The following BNC2 variants were observed in gnomAD, a reference collection of about 807,000 sequenced individuals.
BNC2 encodes the protein zinc finger protein basonuclin-2.
A neutral mutation model predicts 76.3 loss-of-function variants in BNC2; 20 were observed. That is an observed-to-expected ratio of 0.26 (90% CI 0.18 to 0.38). BNC2 has a LOEUF of 0.38. Ranked by LOEUF, BNC2 falls within the 10% of genes least tolerant of loss-of-function variation. The probability of loss-of-function intolerance (pLI) is 1.00; values close to 1 mark genes in which losing one functional copy is unlikely to be tolerated. For synonymous variants in BNC2, 582 were observed against 514.8 expected (o/e 1.13, Z -1.77); for missense variants, 1,382 against 1,399.8 (o/e 0.99, Z 0.20).
At chr9:16,670,069 T>C (rs1168360611) in intron 3 of BNC2, among the ~76,000 whole-genome samples, 1 of 152,234 alleles carries the variant, frequency 6.6e-6, no homozygotes, top group Non-Finnish European at 1.5e-5. Flanking sequence ...ACTGAAAGCA[T>C]GCATAATGTT....
chr9:16,814,086 A>G (rs559083394), intron 1 of BNC2, among the ~76,000 whole-genome samples: 1 of 152,332 alleles, frequency 6.6e-6, no homozygotes, highest in South Asian at 2.1e-4. Context: ...GCTGTGGACA[A>G]TGTTTTCTGG....
chr9:16,772,022 G>C lies in BNC2; in HGVS notation c.4-33537C>G, dbSNP rs191823568. On this transcript the variant is annotated intron_variant, in intron 1 of 6. Coordinates refer to ENST00000380672, the MANE Select transcript of BNC2 (RefSeq NM_017637.6). Reference sequence around the variant, plus strand: ...GATGTAAGTGAATAATAACTAATATGTCTGCAGCCTCAGCCTTAATCTTAA... The same window carrying C: ...GATGTAAGTGAATAATAACTAATATCTCTGCAGCCTCAGCCTTAATCTTAA... 5.3e-5 allele frequency among the ~76,000 whole-genome samples: 8 copies of C among 152,284 alleles called. No homozygotes were observed. The East Asian group carries it at 1.5e-3, about 29-fold the overall frequency.
intron 5 of BNC2, among the ~76,000 whole-genome samples, chr9:16,498,155 C>T (rs1326219186): frequency 3.9e-5 from 5 of 129,004 alleles, no homozygotes; most frequent in Non-Finnish European, 8.0e-5. Context: ...ATATATATTC[C>T]ATCATATATA....
At position 16,788,552 on chromosome 9, in the gene BNC2, C is replaced by CAAA. The variant is rs397960619; in HGVS notation, c.4-50070_4-50068dup. 9.9e-5 allele frequency among the ~76,000 whole-genome samples: 8 copies of CAAA among 80,446 alleles called. No individual in the cohort carries two copies. In the South Asian group the frequency reaches 1.6e-3, roughly 16 times the overall value. The allele number at this position is 80,446 out of a possible 152,430, so 52.8% of individuals were successfully genotyped here. ...TGGGCGACAGAGCAACACTCCTTCT[C>CAAA]AAAAAAAAAAAAAAAAAAGAGGTCA... On this transcript the variant is annotated intron_variant, in intron 1 of 6. Transcript: ENST00000380672.
At chr9:16,726,472 C>T (rs1326808316) in intron 3 of BNC2, among the ~76,000 whole-genome samples, 2 of 144,080 alleles carry the variant, frequency 1.4e-5, no homozygotes, top group African/African-American at 2.6e-5. Context: ...TATAGCCTGG[C>T]AAATTGTTTT....
chr9:16,813,924 C>G (rs1404585862), intron 1 of BNC2, among the ~76,000 whole-genome samples: 1 of 152,120 alleles, frequency 6.6e-6, no homozygotes, highest in Non-Finnish European at 1.5e-5. Flanking sequence ...CTTCCAAGAT[C>G]TTGTCACAAT....
Position 16,810,159 on chromosome 9 carries a change from T to C in BNC2, c.3+60487A>G, listed in dbSNP as rs183131426. Among the ~76,000 whole-genome samples, 136 of 152,320 alleles carry C rather than the reference T, an allele frequency of 8.9e-4. 2 individuals are homozygous for C. The highest frequency in any genetic ancestry group is 2.9e-4 in the Non-Finnish European group (20 of 68,024). On this transcript the variant is annotated intron_variant, in intron 1 of 6. Coordinates refer to ENST00000380672, the MANE Select transcript of BNC2 (RefSeq NM_017637.6). ...ATGGTTAAAAACTTGCTTTGCTTTA[T>C]AAAAAGAATATCATTATAATATGAA... is the stretch of plus-strand genomic sequence containing the variant.
In BNC2 at chr9:16,616,981, A is replaced by T. The variant is rs573547276; in HGVS notation, c.331-33896T>A. Among the ~76,000 whole-genome samples, 16 of 152,340 alleles carry T rather than the reference A, an allele frequency of 1.1e-4. No homozygotes were observed. The East Asian group carries it at 2.1e-3, about 20-fold the overall frequency. On this transcript the variant is annotated intron_variant, in intron 3 of 6. Coordinates refer to ENST00000380672, the MANE Select transcript of BNC2 (RefSeq NM_017637.6). ...CATCTTTGAGGAATCTTTAAAAAAA[A>T]TAGTTGCCACAGATAATATGAAACC... is the stretch of plus-strand genomic sequence containing the variant.
intron 3 of BNC2, among the ~76,000 whole-genome samples, chr9:16,702,863 C>T (rs1823555711): frequency 6.6e-6 from 1 of 152,198 alleles, no homozygotes; most frequent in Non-Finnish European, 1.5e-5. Context: ...GATAAAGTCA[C>T]TTATCCAAAG....
At chr9:16,464,613 A>C (rs979891011) in intron 5 of BNC2, among the ~76,000 whole-genome samples, 1 of 152,136 alleles carries the variant, frequency 6.6e-6, no homozygotes, top group Non-Finnish European at 1.5e-5. Context: ...CTTTCTTCTC[A>C]GAATATTTTG....
In BNC2 at chr9:16,552,520, C is replaced by T. The variant is rs372862527; in HGVS notation, c.669+10G>A. ...CCCGGACACGGGCGGCGTTCAAGTC[C>T]TCTCCCTACCTGAAGGATGTATCCT... On this transcript the variant is annotated intron_variant, in intron 5 of 6. Transcript: ENST00000380672. 79 of 1,613,452 alleles carry T rather than the reference C, an allele frequency of 4.9e-5. No individual in the cohort carries two copies. In the Middle Eastern group the frequency reaches 8.2e-4, roughly 17 times the overall value.
chr9:16,435,758 C>G lies in BNC2; in HGVS notation c.2436G>C (p.Leu812=). ...AALHESFTSS[L]NYGSPQKFSP... is the part of the protein sequence containing the mutation. ...AGAACTTTTGAGGGCTGCCATAATT[C>G]AGAGACGATGTAAAGCTCTCATGCA... The change falls in exon 6 of 7, where the codon CTG becomes CTC. Residue 812 remains leucine, a synonymous_variant. Coordinates refer to ENST00000380672, the MANE Select transcript of BNC2 (RefSeq NM_017637.6). 5.6e-6 allele frequency: 9 copies of G among 1,614,124 alleles called. No homozygotes were observed. Among genetic ancestry groups the G allele is most frequent in the Non-Finnish European group, 5.9e-6 (7 of 1,180,032 alleles).
rs1756728616 is a variant in BNC2 at position 16,556,586 on chromosome 9, G to C, written c.434-3821C>G. 2.0e-5 allele frequency among the ~76,000 whole-genome samples: 3 copies of C among 151,716 alleles called. No homozygotes were observed. In the South Asian group the frequency reaches 6.2e-4, roughly 32 times the overall value. The stretch of plus-strand genomic sequence containing the variant: ...AGATCAAGACCATTCTGGCCAATAT[G>C]GTGAAACCCTGTTTCTACTAAAAAT... On this transcript the variant is annotated intron_variant, in intron 4 of 6. Transcript: ENST00000380672.
intron 1 of BNC2, among the ~76,000 whole-genome samples, chr9:16,773,906 C>T (rs1825895071): frequency 6.6e-6 from 1 of 152,168 alleles, no homozygotes; most frequent in Non-Finnish European, 1.5e-5. Context: ...ATCCCACGCC[C>T]CCAATCTCAG....
chr9:16,495,813 C>T (rs1052703697), intron 5 of BNC2, among the ~76,000 whole-genome samples: 4 of 152,116 alleles, frequency 2.6e-5, no homozygotes, highest in African/African-American at 4.8e-5. Flanking sequence ...CTGATCCTAA[C>T]GTAGGAAATG....
intron 1 of BNC2, among the ~76,000 whole-genome samples, chr9:16,790,598 A>G (rs115570700): frequency 2.1e-3 from 322 of 152,322 alleles, no homozygotes; most frequent in African/African-American, 7.4e-3. Flanking sequence ...ACTTGCTTCC[A>G]ACATTTTATC....
intron 5 of BNC2, among the ~76,000 whole-genome samples, chr9:16,489,796 T>G (rs1385544648): frequency 6.6e-6 from 1 of 152,194 alleles, no homozygotes; most frequent in Non-Finnish European, 1.5e-5. Flanking sequence ...TCTAAAAATT[T>G]CATACATATG....
intron 5 of BNC2, among the ~76,000 whole-genome samples, chr9:16,440,713 G>A (rs1430966692): frequency 2.0e-5 from 3 of 152,054 alleles, no homozygotes; most frequent in Non-Finnish European, 2.9e-5. Flanking sequence ...CCACCACAAT[G>A]CCCACTACTA....
At chr9:16,829,108 G>A (rs988887110) in intron 1 of BNC2, among the ~76,000 whole-genome samples, 1 of 152,182 alleles carries the variant, frequency 6.6e-6, no homozygotes, top group African/African-American at 2.4e-5. Context: ...TGTTCCGCCC[G>A]CGTCCCTCCC....
Sources: allele counts gnomAD v4.1 joint callset (sites outside exome capture counted in the v4.1 genomes callset), GRCh38; gene constraint gnomAD v4.1.1; transcripts MANE v1.5; gene names NCBI Gene and HGNC (gene_info 2026-07-23, HGNC 2026-07-21).